The following DLGAP1 variants were observed in gnomAD, a reference collection of about 807,000 sequenced individuals.
The protein encoded by DLGAP1 is disks large-associated protein 1.
In DLGAP1, 11 loss-of-function variants were observed where a neutral mutation model predicts 90.8. That is an observed-to-expected ratio of 0.12 (90% CI 0.08 to 0.20). The LOEUF (loss-of-function observed/expected upper bound fraction) is 0.20. Among genes scored for constraint, DLGAP1 ranks in the 10% least tolerant of loss-of-function variants. The pLI, the probability that DLGAP1 is intolerant of heterozygous loss-of-function variation, is 1.00. For missense variants in DLGAP1, 1,050 were observed against 1,333.8 expected, an observed-to-expected ratio of 0.79 and a Z score of 3.31; for synonymous variants, 558 against 540.7, an observed-to-expected ratio of 1.03 and a Z score of -0.44.
chr18:3,947,877 C>T (rs1409828093), intron 3 of DLGAP1, among the ~76,000 whole-genome samples: 1 of 152,174 alleles, frequency 6.6e-6, no homozygotes, highest in African/African-American at 2.4e-5. Flanking sequence ...AAGTTACTAC[C>T]TGATTTTTGA....
intron 7 of DLGAP1, among the ~76,000 whole-genome samples, chr18:3,611,189 A>C (rs746808994): frequency 6.6e-6 from 1 of 152,002 alleles, no homozygotes; most frequent in African/African-American, 2.4e-5. Flanking sequence ...TTTGTTTTAT[A>C]GACTCAAATT....
chr18:4,157,615 A>AGTAGTT (rs2076778580), intron 1 of DLGAP1, among the ~76,000 whole-genome samples: 1 of 152,168 alleles, frequency 6.6e-6, no homozygotes, highest in Non-Finnish European at 1.5e-5. Context: ...TAGTAGTTGA[A>AGTAGTT]CCAGTGTTTT....
intron 1 of DLGAP1, among the ~76,000 whole-genome samples, chr18:4,231,154 A>G (rs993706035): frequency 1.3e-5 from 2 of 152,158 alleles, no homozygotes; most frequent in African/African-American, 4.8e-5. Context: ...ATTCAGGAAT[A>G]TTATAATTAT....
At chr18:4,381,334 CATATA>C (rs1567875646) in intron 1 of DLGAP1, among the ~76,000 whole-genome samples, 10 of 152,212 alleles carry the variant, frequency 6.6e-5, no homozygotes, top group African/African-American at 7.2e-5. Context: ...GCATTTACAT[CATATA>C]ATATAAGCAG....
chr18:3,726,979 T>C (rs2062207227), intron 7 of DLGAP1, among the ~76,000 whole-genome samples: 2 of 152,230 alleles, frequency 1.3e-5, no homozygotes, highest in South Asian at 4.1e-4. Context: ...TAAAGCCCTT[T>C]AGATTCAACT....
At chr18:3,720,888 C>CAAAAA (rs1186426563) in intron 7 of DLGAP1, among the ~76,000 whole-genome samples, 32 of 50,312 alleles carry the variant, frequency 6.4e-4, no homozygotes, top group African/African-American at 2.2e-3. Context: ...CTTGTCTCTA[C>CAAAAA]AAAAAAAAAA....
intron 1 of DLGAP1, among the ~76,000 whole-genome samples, chr18:4,439,980 C>T (rs548802933): frequency 1.3e-5 from 2 of 151,440 alleles, no homozygotes; most frequent in South Asian, 4.2e-4. Context: ...ATTAGCCAGG[C>T]GTGGTGGCAG....
At chr18:3,880,561 A>G (rs781172639) in intron 3 of DLGAP1, among the ~76,000 whole-genome samples, 12 of 152,144 alleles carry the variant, frequency 7.9e-5, no homozygotes, top group Admixed American at 6.5e-5. Context: ...GCTTGAACGC[A>G]TTATTGGAAG....
At chr18:3,628,604 C>A (rs1221965539) in intron 7 of DLGAP1, among the ~76,000 whole-genome samples, 1 of 152,200 alleles carries the variant, frequency 6.6e-6, no homozygotes, top group Admixed American at 6.5e-5. Flanking sequence ...TGTTACAAAC[C>A]CCTCCTATCC....
intron 7 of DLGAP1, among the ~76,000 whole-genome samples, chr18:3,627,314 C>A (rs879781974): frequency 9.9e-5 from 15 of 152,138 alleles, no homozygotes; most frequent in Non-Finnish European, 1.8e-4. Context: ...GAACAGATTG[C>A]AGAAGTTTAT....
chr18:3,534,689 T>TTCCTTC, intron 9 of DLGAP1, 74 bp from the exon 10 acceptor site: 2 of 1,299,516 alleles, frequency 1.5e-6, no homozygotes, highest in Admixed American at 3.0e-5. Flanking sequence ...TTCCTTCCTT[T>TTCCTTC]CTTTCTTTTT....
chr18:3,869,585 G>A lies in DLGAP1; in HGVS notation c.957+9527C>T, dbSNP rs180702822. ...AAAAGAAAAGAAAAAAAGATTGACT[G>A]TGATACTCTCGACTTCAGACGAAAG... On this transcript the variant is annotated intron_variant, in intron 4 of 12. Transcript: ENST00000315677. Among the ~76,000 whole-genome samples the A allele has an allele frequency of 3.0e-3, 455 of 152,304 alleles. 4 individuals are homozygous for A. In the Middle Eastern group the frequency reaches 0.044, roughly 15 times the overall value.
At chr18:3,873,332 GA>G (rs1057403331) in intron 4 of DLGAP1, among the ~76,000 whole-genome samples, 2 of 152,110 alleles carry the variant, frequency 1.3e-5, no homozygotes, top group Non-Finnish European at 2.9e-5. Context: ...CAAGATCAGT[GA>G]AAAACAGGGA....
At chr18:4,357,795 T>G in intron 1 of DLGAP1, among the ~76,000 whole-genome samples, 1 of 152,124 alleles carries the variant, frequency 6.6e-6, no homozygotes, top group East Asian at 1.9e-4. Context: ...ACAGGCCCCT[T>G]TGGAGGGCAG....
At chr18:3,646,738 C>T (rs543349826) in intron 7 of DLGAP1, among the ~76,000 whole-genome samples, 41 of 152,074 alleles carry the variant, frequency 2.7e-4, no homozygotes, top group African/African-American at 8.9e-4. Context: ...TCCTGGCTAA[C>T]ACGGTGAAAC....
chr18:4,136,793 T>C (rs1454689179), intron 2 of DLGAP1, among the ~76,000 whole-genome samples: 3 of 152,172 alleles, frequency 2.0e-5, no homozygotes, highest in African/African-American at 4.8e-5. Context: ...TTGTGGCATA[T>C]TACACAAGAA....
intron 2 of DLGAP1, among the ~76,000 whole-genome samples, chr18:4,032,912 A>T (rs1040736576): frequency 1.3e-5 from 2 of 152,138 alleles, no homozygotes; most frequent in Admixed American, 1.3e-4. Context: ...GCTGGGTCTT[A>T]GTTGGTGTTG....
chr18:3,724,068 T>G (rs2062071348), intron 7 of DLGAP1, among the ~76,000 whole-genome samples: 1 of 152,220 alleles, frequency 6.6e-6, no homozygotes, highest in Non-Finnish European at 1.5e-5. Context: ...CTCACACCTG[T>G]AATCCTAGCA....
intron 9 of DLGAP1, among the ~76,000 whole-genome samples, chr18:3,537,868 G>A (rs906736138): frequency 6.6e-6 from 1 of 152,108 alleles, no homozygotes; most frequent in Non-Finnish European, 1.5e-5. Context: ...TCATGATTGT[G>A]CCATTTTAAG....
Sources: gnomAD v4.1 joint callset for allele counts (sites outside exome capture counted in the v4.1 genomes callset) on GRCh38, gnomAD v4.1.1 for gene constraint, MANE v1.5 for transcripts, NCBI Gene and HGNC (gene_info 2026-07-23, HGNC 2026-07-21) for gene names.